PTPRT: variants seen among roughly 807,000 people sequenced by gnomAD.
PTPRT encodes the protein protein tyrosine phosphatase receptor type T, also known as receptor-type tyrosine-protein phosphatase T.
In PTPRT, 56 loss-of-function variants were observed where a neutral mutation model predicts 176.8. That is an observed-to-expected ratio of 0.32 (90% CI 0.26 to 0.40). The LOEUF is 0.40. Among genes scored for constraint, PTPRT ranks in the 10% least tolerant of loss-of-function variants. PTPRT has a pLI of 1.00. For synonymous variants in PTPRT, 783 were observed against 739.0 expected (o/e 1.06, Z -0.96); for missense variants, 1,540 against 1,908.2 (o/e 0.81, Z 3.60).
At chr20:42,428,376 T>C (rs2145792976) in intron 9 of PTPRT, among the ~76,000 whole-genome samples, 1 of 152,338 alleles carries the variant, frequency 6.6e-6, no homozygotes, top group South Asian at 2.1e-4. Context: ...AGTGAGAAAC[T>C]TCATGAACTG....
chr20:42,208,369 C>G (rs1196995691), intron 15 of PTPRT, among the ~76,000 whole-genome samples: 1 of 151,826 alleles, frequency 6.6e-6, no homozygotes, highest in Non-Finnish European at 1.5e-5. Flanking sequence ...AGAGTCAAGA[C>G]TCATCAGTGT....
chr20:42,303,687 C>G (rs1285743687), intron 12 of PTPRT, among the ~76,000 whole-genome samples: 1 of 152,094 alleles, frequency 6.6e-6, no homozygotes, highest in East Asian at 1.9e-4. Context: ...TTGAGACAAG[C>G]AATCGTGGAT....
rs183140972 is a variant in PTPRT at position 42,486,338 on chromosome 20, G to A, written c.1154-13776C>T. The stretch of plus-strand genomic sequence containing the variant: ...AAGGATGGCCTCTACAAAATATAGA[G>A]CTCTCCTTAAATGTCATCAGTCTCG... On this transcript the variant is annotated intron_variant, in intron 7 of 30. Coordinates refer to ENST00000373187, the MANE Select transcript of PTPRT (RefSeq NM_007050.6). Among the ~76,000 whole-genome samples, 226 of 152,250 alleles carry A rather than the reference G, an allele frequency of 1.5e-3. 1 individual carries two copies. Among genetic ancestry groups the A allele is most frequent in the Non-Finnish European group, 2.9e-3 (198 of 68,016 alleles).
intron 6 of PTPRT, among the ~76,000 whole-genome samples, chr20:42,696,548 C>CG (rs2075882257): frequency 6.6e-6 from 1 of 151,690 alleles, no homozygotes; most frequent in East Asian, 1.9e-4. Context: ...CTCTTCCCCC[C>CG]GGGTTCACAC....
chr20:43,129,881 G>C (rs1005940555), intron 1 of PTPRT, among the ~76,000 whole-genome samples: 1 of 152,036 alleles, frequency 6.6e-6, no homozygotes, highest in Non-Finnish European at 1.5e-5. Context: ...GCCTCCCAAA[G>C]TGCTGGGATT....
chr20:42,249,198 T>C (rs1218394289), intron 13 of PTPRT, among the ~76,000 whole-genome samples: 1 of 152,214 alleles, frequency 6.6e-6, no homozygotes, highest in Non-Finnish European at 1.5e-5. Context: ...TACCTAACCC[T>C]ACATTATTCT....
intron 2 of PTPRT, among the ~76,000 whole-genome samples, chr20:42,848,753 T>G (rs2145752019): frequency 6.6e-6 from 1 of 152,328 alleles, no homozygotes; most frequent in African/African-American, 2.4e-5. Context: ...TCTCTCCCAT[T>G]TTGTGGACTG....
intron 7 of PTPRT, among the ~76,000 whole-genome samples, chr20:42,578,545 C>G (rs574776325): frequency 6.6e-6 from 1 of 152,276 alleles, no homozygotes; most frequent in South Asian, 2.1e-4. Flanking sequence ...CATCGACATT[C>G]TTCCCCATCT....
intron 2 of PTPRT, among the ~76,000 whole-genome samples, chr20:42,877,355 G>A (rs1219242714): frequency 2.0e-5 from 3 of 152,100 alleles, no homozygotes; most frequent in African/African-American, 7.2e-5. Flanking sequence ...CCACACCCAG[G>A]CTGCCAGGAA....
chr20:42,651,368 A>G (rs2075027939), intron 7 of PTPRT, among the ~76,000 whole-genome samples: 1 of 152,192 alleles, frequency 6.6e-6, no homozygotes, highest in Non-Finnish European at 1.5e-5. Context: ...CATTTGTTTA[A>G]CTTCTACTTA....
intron 13 of PTPRT, among the ~76,000 whole-genome samples, chr20:42,269,769 T>C (rs1231585830): frequency 6.6e-6 from 1 of 152,156 alleles, no homozygotes; most frequent in Non-Finnish European, 1.5e-5. Flanking sequence ...TGGTGCCCCA[T>C]AAGGGGTAGG....
At chr20:42,430,134 C>G (rs1601010851) in intron 9 of PTPRT, among the ~76,000 whole-genome samples, 1 of 152,166 alleles carries the variant, frequency 6.6e-6, no homozygotes, top group Non-Finnish European at 1.5e-5. Flanking sequence ...TTCTCTGATT[C>G]TAACCCATGA....
intron 9 of PTPRT, among the ~76,000 whole-genome samples, chr20:42,400,474 A>G (rs2425491): frequency 0.87 from 132,888 of 152,086 alleles, 58,236 homozygotes; most frequent in African/African-American, 0.93. Flanking sequence ...GTGAGCAAGG[A>G]CAAACAAAGA....
At chr20:42,217,218 C>T (rs2055792255) in intron 15 of PTPRT, among the ~76,000 whole-genome samples, 1 of 152,066 alleles carries the variant, frequency 6.6e-6, no homozygotes, top group East Asian at 1.9e-4. Flanking sequence ...TACTAAAATA[C>T]AAAAATTAGC....
At chr20:42,844,916 T>A (rs888574393) in intron 2 of PTPRT, among the ~76,000 whole-genome samples, 11 of 152,188 alleles carry the variant, frequency 7.2e-5, no homozygotes, top group African/African-American at 2.7e-4. Context: ...CCTGTTCAGG[T>A]TCATTCTCCC....
chr20:43,143,652 T>C (rs998460321), intron 1 of PTPRT, among the ~76,000 whole-genome samples: 5 of 152,118 alleles, frequency 3.3e-5, no homozygotes, highest in Admixed American at 6.5e-5. Flanking sequence ...AAGGTTGAGA[T>C]AGAGATCTAA....
chr20:42,082,103 G>T, intron 29 of PTPRT, 86 bp from the exon 30 acceptor site: 1 of 1,583,604 alleles, frequency 6.3e-7, no homozygotes, highest in Non-Finnish European at 8.6e-7. Flanking sequence ...TAGGAGTAGG[G>T]ATCAGCTGTC....
intron 6 of PTPRT, among the ~76,000 whole-genome samples, chr20:42,752,797 G>A (rs2076784791): frequency 6.6e-6 from 1 of 152,162 alleles, no homozygotes; most frequent in Non-Finnish European, 1.5e-5. Flanking sequence ...AGAGGTAAGT[G>A]AGTCATTCTT....
chr20:42,364,488 T>C (rs78762267), intron 9 of PTPRT, among the ~76,000 whole-genome samples: 7 of 152,326 alleles, frequency 4.6e-5, no homozygotes, highest in African/African-American at 1.7e-4. Flanking sequence ...TTTTTTTTTG[T>C]TATATCTCCT....
Sources: allele counts gnomAD v4.1 joint callset (sites outside exome capture counted in the v4.1 genomes callset), GRCh38; gene constraint gnomAD v4.1.1; transcripts MANE v1.5; gene names NCBI Gene and HGNC (gene_info 2026-07-23, HGNC 2026-07-21).